DYNC2I2: variants seen among roughly 807,000 people sequenced by gnomAD.
DYNC2I2 encodes cytoplasmic dynein 2 intermediate chain 2.
DYNC2I2 carries 39 observed loss-of-function variants against 52.0 expected under a neutral mutation model. The observed-to-expected ratio is 0.75, with a 90% CI of 0.58 to 0.98. The LOEUF (loss-of-function observed/expected upper bound fraction) is 0.98, where lower values mean the gene tolerates loss of function less well. DYNC2I2 is among the 50% of genes least tolerant of loss of function. The pLI, the probability that DYNC2I2 is intolerant of heterozygous loss-of-function variation, is 0.00. For synonymous variants in DYNC2I2, 359 were observed against 321.1 expected (o/e 1.12, Z -1.26); for missense variants, 743 against 728.4 (o/e 1.02, Z -0.23).
At chr9:128,634,175 C>A (rs1314679300) in intron 8 of DYNC2I2, 51 bp downstream of exon 8, 13 of 1,607,484 alleles carry the variant, frequency 8.1e-6, no homozygotes, top group Admixed American at 3.4e-5. Flanking sequence ...ACAAGCAGGG[C>A]CCAGACCACC....
the DYNC2I2 span, among the ~76,000 whole-genome samples, chr9:128,672,382 C>T: frequency 1.3e-5 from 2 of 151,760 alleles, no homozygotes; most frequent in East Asian, 1.9e-4. Flanking sequence ...TCAGTAGAAA[C>T]GGGGTTTCCC....
rs141826084 is a variant in DYNC2I2 at position 128,640,788 on chromosome 9, C to T, written c.338G>A (p.Arg113Gln). The change falls in exon 2 of 9, where the codon CGG becomes CAG. Residue 113 changes from arginine to glutamine, a missense_variant. Transcript: ENST00000372715. ...TCGGATGACCATGGCCTCCACTCTC[C>T]GAAGAAAGGCTGCGAGCCTGGGTAT... ...YDIPRLAAFL[R>Q]RVEAMVIREL... 6.5e-5 allele frequency: 105 copies of T among 1,614,076 alleles called. No individual in the cohort carries two copies. Among genetic ancestry groups the T allele is most frequent in the African/African-American group, 9.3e-5 (7 of 74,940 alleles).
the DYNC2I2 span, among the ~76,000 whole-genome samples, chr9:128,679,913 C>T: frequency 1.8e-4 from 27 of 152,242 alleles, no homozygotes; most frequent in South Asian, 5.4e-3. Context: ...GAATGAAATA[C>T]ACTGGTATAG....
Position 128,636,239 on chromosome 9 carries a change from G to C in DYNC2I2, c.703+42C>G, listed in dbSNP as rs73623567. On this transcript the variant is annotated intron_variant, in intron 4 of 8. Coordinates refer to ENST00000372715, the MANE Select transcript of DYNC2I2 (RefSeq NM_052844.4). ...TGTGCCCTCTGCAGGGCGGGAAGCT[G>C]AGTCCTGAGAGGAGAGGAGGCGGAC... is the stretch of plus-strand genomic sequence containing the variant. The C allele has an allele frequency of 6.5e-3, 10,035 of 1,552,170 alleles. 582 individuals carry two copies. In the African/African-American group the frequency reaches 0.12, roughly 19 times the overall value.
chr9:128,673,683 C>G, the DYNC2I2 span, among the ~76,000 whole-genome samples: 1 of 151,298 alleles, frequency 6.6e-6, no homozygotes. Context: ...TGTTTTTGTA[C>G]TTTTAGTAGA....
intron 1 of DYNC2I2, among the ~76,000 whole-genome samples, chr9:128,643,116 G>A (rs901427778): frequency 2.6e-5 from 4 of 152,200 alleles, no homozygotes; most frequent in Non-Finnish European, 5.9e-5. Context: ...TGAGCGCCGT[G>A]GCTCACGCCT....
the DYNC2I2 span, among the ~76,000 whole-genome samples, chr9:128,674,346 G>A: frequency 6.6e-6 from 1 of 151,804 alleles, no homozygotes; most frequent in Admixed American, 6.6e-5. Flanking sequence ...GTGTTAGCCA[G>A]GATGGTCTCA....
the DYNC2I2 span, among the ~76,000 whole-genome samples, chr9:128,666,202 C>T: frequency 6.6e-6 from 1 of 151,148 alleles, no homozygotes; most frequent in Non-Finnish European, 1.5e-5. Flanking sequence ...ATGGAGAAAA[C>T]CCATCTCTAC....
At chr9:128,666,742 G>C in the DYNC2I2 span, among the ~76,000 whole-genome samples, 1 of 148,510 alleles carries the variant, frequency 6.7e-6, no homozygotes, top group Non-Finnish European at 1.5e-5. Flanking sequence ...CTGGGTGACA[G>C]AGCAAGACTC....
the DYNC2I2 span, among the ~76,000 whole-genome samples, chr9:128,665,873 C>T: frequency 6.7e-6 from 1 of 148,844 alleles, no homozygotes; most frequent in African/African-American, 2.5e-5. Context: ...GAGTTCAACA[C>T]CACCCTGACC....
rs10660438 is a variant in DYNC2I2 at position 128,644,275 on chromosome 9, C to CT, written c.187-3337dup. 6.2e-3 allele frequency among the ~76,000 whole-genome samples: 911 copies of CT among 146,618 alleles called. 15 individuals carry two copies. The highest frequency in any genetic ancestry group is 7.5e-3 in the Non-Finnish European group (501 of 66,956). On this transcript the variant is annotated intron_variant, in intron 1 of 8. Coordinates refer to ENST00000372715, the MANE Select transcript of DYNC2I2 (RefSeq NM_052844.4). ...GGTGATCGACTTGAACCCAGGCGGCCTTTTTTTTTTTTTGAGACAGGGTCT... is the reference window on the plus strand; with the variant it reads ...GGTGATCGACTTGAACCCAGGCGGCCTTTTTTTTTTTTTTGAGACAGGGTCT...
Position 128,635,850 on chromosome 9 carries a change from ACAGGGC to A in DYNC2I2, c.704-89_704-84del, listed in dbSNP as rs1048367113. ...GCCAAACACCCGCCCCAGCCCACCT[ACAGGGC>A]CAGGGCCAGGGCCAGGCGGCAGAGC... On this transcript the variant is annotated intron_variant, in intron 4 of 8. Coordinates refer to ENST00000372715, the MANE Select transcript of DYNC2I2 (RefSeq NM_052844.4). 72 of 1,340,582 alleles carry A rather than the reference ACAGGGC, an allele frequency of 5.4e-5. 1 individual carries two copies. The highest frequency in any genetic ancestry group is 5.1e-4 in the South Asian group (40 of 78,660). The allele number at this position is 1,340,582 out of a possible 1,614,324, so 83.0% of individuals were successfully genotyped here. A position where few individuals can be genotyped will look rare whatever the true frequency, so the allele number is the denominator to read the frequency against.
intron 1 of DYNC2I2, among the ~76,000 whole-genome samples, chr9:128,644,789 G>A (rs978340746): frequency 6.6e-5 from 10 of 152,202 alleles, no homozygotes; most frequent in South Asian, 4.1e-4. Context: ...TACAGCATGC[G>A]CTTAGTTGAT....
At chr9:128,635,565 C>T (rs1860388287) in intron 5 of DYNC2I2, 93 bp downstream of exon 5, 3 of 1,191,866 alleles carry the variant, frequency 2.5e-6, no homozygotes, top group Non-Finnish European at 2.4e-6. Context: ...AGCTGTCCAA[C>T]TGCCAACGCC....
intron 2 of DYNC2I2, among the ~76,000 whole-genome samples, chr9:128,637,763 C>T (rs1860442983): frequency 1.3e-5 from 2 of 152,170 alleles, no homozygotes; most frequent in Admixed American, 1.3e-4. Context: ...TTTTGTCAAG[C>T]TCTGGCATCT....
At chr9:128,670,133 C>CT in the DYNC2I2 span, among the ~76,000 whole-genome samples, 1 of 151,734 alleles carries the variant, frequency 6.6e-6, no homozygotes, top group Non-Finnish European at 1.5e-5. Flanking sequence ...GAGTAAGACT[C>CT]TGTCTCAAAG....
Position 128,642,366 on chromosome 9 carries a change from G to C in DYNC2I2, c.187-1427C>G, listed in dbSNP as rs1355120783. 2.0e-5 allele frequency among the ~76,000 whole-genome samples: 3 copies of C among 147,256 alleles called. No individual in the cohort carries two copies. In the East Asian group the frequency reaches 6.0e-4, roughly 29 times the overall value. ...AGCTACTCAGAAGGCTGAGGCAGGA[G>C]AACTGCTTGAACCCGGGAGGCGGAG... On this transcript the variant is annotated intron_variant, in intron 1 of 8. Coordinates refer to ENST00000372715, the MANE Select transcript of DYNC2I2 (RefSeq NM_052844.4).
chr9:128,643,608 C>T (rs976955339), intron 1 of DYNC2I2, among the ~76,000 whole-genome samples: 4 of 151,798 alleles, frequency 2.6e-5, no homozygotes, highest in Non-Finnish European at 4.4e-5. Context: ...GTGAAGATTG[C>T]TTGAGTCCAG....
intron 1 of DYNC2I2, among the ~76,000 whole-genome samples, chr9:128,645,901 TAA>T (rs1296634469): frequency 6.6e-6 from 1 of 152,214 alleles, no homozygotes; most frequent in African/African-American, 2.4e-5. Context: ...CTGATAGGGA[TAA>T]AGTTTAGTGG....
Sources: gnomAD v4.1 joint callset for allele counts (sites outside exome capture counted in the v4.1 genomes callset) on GRCh38, gnomAD v4.1.1 for gene constraint, MANE v1.5 for transcripts, NCBI Gene and HGNC (gene_info 2026-07-23, HGNC 2026-07-21) for gene names.